Variants in CCNA2 observed in about 807,000 individuals in gnomAD.
CCNA2 encodes the protein cyclin A2.
CCNA2 carries 3 observed loss-of-function variants against 49.4 expected under a neutral mutation model. The observed-to-expected ratio is 0.06, with a 90% CI of 0.03 to 0.16. The LOEUF is 0.16. Among genes scored for constraint, CCNA2 ranks in the 10% least tolerant of loss-of-function variants. The pLI, the probability that CCNA2 is intolerant of heterozygous loss-of-function variation, is 1.00. For missense variants in CCNA2, 372 were observed against 519.7 expected (o/e 0.72, Z 2.76); for synonymous variants, 206 against 197.2 (o/e 1.04, Z -0.37).
At chr4:121,821,950 T>A (rs558987501) in intron 2 of CCNA2, among the ~76,000 whole-genome samples, 2 of 152,218 alleles carry the variant, frequency 1.3e-5, no homozygotes, top group South Asian at 2.1e-4. Flanking sequence ...AAAGTGTCAC[T>A]TTCTGGTATC....
Position 121,817,827 on chromosome 4 carries a change from C to G in CCNA2, c.1251-141G>C, listed in dbSNP as rs549995122. On this transcript the variant is annotated intron_variant, in intron 7 of 7. Coordinates refer to ENST00000274026, the MANE Select transcript of CCNA2 (RefSeq NM_001237.5). ...GACTTGATGGTTTTAGAAACACTGT[C>G]TGGTCCCTGAAACACACATGCATGC... 603 of 1,258,948 alleles carry G rather than the reference C, an allele frequency of 4.8e-4. 1 individual carries two copies. Among genetic ancestry groups the G allele is most frequent in the Admixed American group, 1.9e-3 (85 of 45,910 alleles). The allele number at this position is 1,258,948 out of a possible 1,614,324, so 78.0% of individuals were successfully genotyped here.
chr4:121,821,926 T>C (rs972986132), intron 2 of CCNA2, among the ~76,000 whole-genome samples: 2 of 152,222 alleles, frequency 1.3e-5, no homozygotes, highest in African/African-American at 4.8e-5. Context: ...TACAACTATT[T>C]ACTTGTAGGA....
At chr4:121,819,076 T>C (rs1208416326) in intron 5 of CCNA2, among the ~76,000 whole-genome samples, 163 bp from the exon 6 acceptor site, 1 of 152,164 alleles carries the variant, frequency 6.6e-6, no homozygotes, top group African/African-American at 2.4e-5. Flanking sequence ...ATTTTAGTGT[T>C]TTGTTCCATC....
chr4:121,821,838 G>A (rs1724699995), intron 2 of CCNA2, among the ~76,000 whole-genome samples: 1 of 151,990 alleles, frequency 6.6e-6, no homozygotes, highest in African/African-American at 2.4e-5. Context: ...ATATCCCTAG[G>A]GCAAAGAAAT....
At chr4:121,818,278 T>G in intron 6 of CCNA2, 101 bp from the exon 7 acceptor site, 1 of 1,054,628 alleles carries the variant, frequency 9.5e-7, no homozygotes, top group South Asian at 1.7e-5. Context: ...CCAGTACTAA[T>G]CTTTAACTTT....
At chr4:121,818,663 A>C in intron 6 of CCNA2, 137 bp downstream of exon 6, 1 of 621,532 alleles carries the variant, frequency 1.6e-6, no homozygotes, top group Non-Finnish European at 2.9e-6. Flanking sequence ...TGTGTTTTTC[A>C]AAGGTCAACT....
intron 5 of CCNA2, 77 bp downstream of exon 5, chr4:121,819,295 T>C: frequency 9.4e-7 from 1 of 1,058,496 alleles, no homozygotes; most frequent in Non-Finnish European, 1.4e-6. Context: ...GGAACTAGGT[T>C]CCTTTACAAA....
intron 7 of CCNA2, 136 bp downstream of exon 7, chr4:121,817,908 T>G: frequency 2.8e-6 from 3 of 1,070,252 alleles, no homozygotes; most frequent in Non-Finnish European, 4.0e-6. Flanking sequence ...AACTACAACC[T>G]TCTTCAAACA....
At position 121,820,768 on chromosome 4, in the gene CCNA2, A is replaced by G; in HGVS notation, c.571-3T>C. The G allele has an allele frequency of 7.0e-6, 11 of 1,572,748 alleles. No individual in the cohort carries two copies. The highest frequency in any genetic ancestry group is 9.6e-6 in the Non-Finnish European group (11 of 1,149,634). ...CCCACTTTAGGTTTACATTTAACCTATTGAGAAAATTATTTATAGTGTTAA... is the reference window on the plus strand; with the variant it reads ...CCCACTTTAGGTTTACATTTAACCTGTTGAGAAAATTATTTATAGTGTTAA... On this transcript the variant is annotated splice_polypyrimidine_tract_variant and splice_region_variant and intron_variant, in intron 3 of 7. Transcript: ENST00000274026. The surrounding 1 kb of genome is among the most constrained non-coding windows in gnomAD (Gnocchi z 4.1).
chr4:121,819,614 A>G, intron 4 of CCNA2, 35 bp from the exon 5 acceptor site: 1 of 1,419,322 alleles, frequency 7.0e-7, no homozygotes, highest in Non-Finnish European at 9.9e-7. Context: ...ATCAGTCCTA[A>G]AAGAGAAGCA....
Position 121,816,571 on chromosome 4 carries a change from A to G in CCNA2, c.*1067T>C, listed in dbSNP as rs1411625753. ...CAAAAAGACATCCCTTTTTCATTAG[A>G]GATCCATCTGTTCTGTGATTTTTTT... On this transcript the variant is annotated 3_prime_UTR_variant, in exon 8 of 8. Transcript: ENST00000274026. The G allele has an allele frequency of 2.5e-6, 2 of 804,164 alleles. No individual in the cohort carries two copies. Among genetic ancestry groups the G allele is most frequent in the Admixed American group, 3.2e-5 (1 of 31,076 alleles). The allele number at this position is 804,164 out of a possible 1,614,324, so 49.8% of individuals were successfully genotyped here.
In CCNA2 at chr4:121,820,829, T is replaced by C. The variant is rs1403059874; in HGVS notation, c.571-64A>G. ...GTGTAAAAACTGCAATTAGATTATT[T>C]TACCATTAATTACGAGAGGCTACAT... On this transcript the variant is annotated intron_variant, in intron 3 of 7. Transcript: ENST00000274026. This position sits in a 1 kb window ranked among gnomAD's most constrained non-coding sequence, Gnocchi z 4.1. 7.8e-7 allele frequency: 1 copy of C among 1,274,348 alleles called. No individual in the cohort carries two copies. Among genetic ancestry groups the C allele is most frequent in the African/African-American group, 1.5e-5 (1 of 66,958 alleles). The allele number at this position is 1,274,348 out of a possible 1,614,324, so 78.9% of individuals were successfully genotyped here. A position where few individuals can be genotyped will look rare whatever the true frequency, so the allele number is the denominator to read the frequency against.
At position 121,822,613 on chromosome 4, in the gene CCNA2, C is replaced by T. The variant is rs755382269; in HGVS notation, c.247G>A (p.Glu83Lys). ...TTCCAAGGAGGAACGGTGACATGCTCATCATTTACAGGAAGATCCTTAAGG... is the reference window on the plus strand; with the variant it reads ...TTCCAAGGAGGAACGGTGACATGCTTATCATTTACAGGAAGATCCTTAAGG... ...APLKDLPVND[E>K]HVTVPPWKAN... Residue 83 changes from glutamate (E) to lysine (K), a missense_variant, in exon 2 of 8, where the codon GAG becomes AAG. By Grantham distance (56) the Glu-to-Lys change is moderately conservative. Transcript: ENST00000274026. The T allele has an allele frequency of 6.2e-7, 1 of 1,613,928 alleles. No individual in the cohort carries two copies. Among genetic ancestry groups the T allele is most frequent in the Non-Finnish European group, 8.5e-7 (1 of 1,179,974 alleles).
At chr4:121,822,280 T>G in intron 2 of CCNA2, 123 bp downstream of exon 2, 1 of 934,608 alleles carries the variant, frequency 1.1e-6, no homozygotes, top group Middle Eastern at 3.4e-4. Flanking sequence ...CTAAGCCTTG[T>G]TACATTAAAC....
chr4:121,816,996 T>C lies in CCNA2; in HGVS notation c.*642A>G, dbSNP rs1057216060. 3.0e-5 allele frequency: 25 copies of C among 836,968 alleles called. No individual in the cohort carries two copies. The highest frequency in any genetic ancestry group is 7.2e-5 in the Admixed American group (2 of 27,764). The allele number at this position is 836,968 out of a possible 1,614,324, so 51.8% of individuals were successfully genotyped here. A position where few individuals can be genotyped will look rare whatever the true frequency, so the allele number is the denominator to read the frequency against. On this transcript the variant is annotated 3_prime_UTR_variant, in exon 8 of 8. Coordinates refer to ENST00000274026, the MANE Select transcript of CCNA2 (RefSeq NM_001237.5). ...AAATAGTTTTTTGTTTTTAATGTGCTTTAAAATAATAAACCTTCTGGAGCA... is the reference window on the plus strand; with the variant it reads ...AAATAGTTTTTTGTTTTTAATGTGCCTTAAAATAATAAACCTTCTGGAGCA...
intron 6 of CCNA2, 105 bp downstream of exon 6, chr4:121,818,694 CA>C: frequency 1.4e-6 from 1 of 724,496 alleles, no homozygotes; most frequent in South Asian, 1.7e-5. Context: ...GAAGTTTTTC[CA>C]AGTAAGAACA....
At position 121,818,853 on chromosome 4, in the gene CCNA2, T is replaced by C. The variant is rs1384969736; in HGVS notation, c.1063A>G (p.Ile355Val). The C allele has an allele frequency of 6.2e-7, 1 of 1,613,976 alleles. No individual in the cohort carries two copies. Among genetic ancestry groups the C allele is most frequent in the South Asian group, 1.1e-5 (1 of 91,070 alleles). ...DPYLKYLPSV[I>V]AGAAFHLALY... Reference sequence around the variant, plus strand: ...GCTAAATGAAAGGCAGCTCCAGCAATAACTGATGGCAAATACTTGAGGTAT... The same window carrying C: ...GCTAAATGAAAGGCAGCTCCAGCAACAACTGATGGCAAATACTTGAGGTAT... Residue 355 changes from isoleucine (I) to valine (V), a missense_variant, in exon 6 of 8, where the codon ATT (isoleucine) becomes GTT (valine). This residue lies in a region of CCNA2 where 155 missense variants were observed against 288.1 expected (regional missense o/e 0.54). Coordinates refer to ENST00000274026, the MANE Select transcript of CCNA2 (RefSeq NM_001237.5).
chr4:121,823,608 C>G lies in CCNA2; in HGVS notation c.21G>C (p.Pro7=). Residue 7 remains proline, a synonymous_variant, in exon 1 of 8, where the codon CCG becomes CCC. Transcript: ENST00000274026. MLGNSA[P]GPATREAGSA... ...AGCCCGCCTCGCGGGTCGCAGGCCC[C>G]GGCGCAGAGTTGCCCAACATCACTG... 6.3e-7 allele frequency: 1 copy of G among 1,597,264 alleles called. No individual in the cohort carries two copies. Among genetic ancestry groups the G allele is most frequent in the African/African-American group, 1.3e-5 (1 of 74,928 alleles).
At position 121,820,412 on chromosome 4, in the gene CCNA2, A is replaced by G. The variant is rs988172405; in HGVS notation, c.794+130T>C. 4 of 643,474 alleles carry G rather than the reference A, an allele frequency of 6.2e-6. No homozygotes were observed. In the African/African-American group the frequency reaches 7.3e-5, roughly 12 times the overall value. The allele number at this position is 643,474 out of a possible 1,614,324, so 39.9% of individuals were successfully genotyped here. On this transcript the variant is annotated intron_variant, in intron 4 of 7. Transcript: ENST00000274026. This position sits in a 1 kb window ranked among gnomAD's most constrained non-coding sequence, Gnocchi z 4.1. Reference sequence around the variant, plus strand: ...ATCCTCCTCCACTGCCCTAAGCCCCAGCACATTGCCATCCCTAAAGTAGTC... The same window carrying G: ...ATCCTCCTCCACTGCCCTAAGCCCCGGCACATTGCCATCCCTAAAGTAGTC...
Sources: allele counts gnomAD v4.1 joint callset (sites outside exome capture counted in the v4.1 genomes callset), GRCh38; gene constraint gnomAD v4.1.1; regional missense constraint gnomAD v4.1.1; non-coding constraint Gnocchi (gnomAD v3.1); transcripts MANE v1.5; gene names NCBI Gene and HGNC (gene_info 2026-07-23, HGNC 2026-07-21).